PPARGC1A: variants seen among roughly 807,000 people sequenced by gnomAD.
PPARGC1A encodes PPARG coactivator 1 alpha.
In PPARGC1A, 25 loss-of-function variants were observed where a neutral mutation model predicts 88.7. The ratio of observed to expected loss-of-function variants is 0.28; its 90% CI spans 0.21 to 0.39. The LOEUF (loss-of-function observed/expected upper bound fraction) is 0.39, where lower values mean the gene tolerates loss of function less well. Among genes scored for constraint, PPARGC1A ranks in the 10% least tolerant of loss-of-function variants. The pLI is 1.00. For synonymous variants in PPARGC1A, 363 were observed against 355.6 expected (o/e 1.02, Z -0.24); for missense variants, 880 against 968.7 (o/e 0.91, Z 1.22).
the PPARGC1A span, among the ~76,000 whole-genome samples, chr4:24,208,682 A>AAAAAAAT: frequency 7.6e-4 from 102 of 134,970 alleles, no homozygotes; most frequent in Non-Finnish European, 8.8e-4. Context: ...TCAGAAAAAA[A>AAAAAAAT]ATATATATAT....
the PPARGC1A span, among the ~76,000 whole-genome samples, chr4:24,240,812 GCAGAGC>G: frequency 0.14 from 21,489 of 152,118 alleles, 1,944 homozygotes; most frequent in Middle Eastern, 0.28. Flanking sequence ...TAGCTTTTCA[GCAGAGC>G]CAGGGTCTAA....
At chr4:24,114,973 T>C in the PPARGC1A span, among the ~76,000 whole-genome samples, 1 of 152,192 alleles carries the variant, frequency 6.6e-6, no homozygotes, top group South Asian at 2.1e-4. Flanking sequence ...AAATGTCCAG[T>C]AGCCACTATG....
chr4:23,852,888 A>G (rs1156517376), intron 2 of PPARGC1A, among the ~76,000 whole-genome samples: 2 of 152,294 alleles, frequency 1.3e-5, no homozygotes, highest in African/African-American at 4.8e-5. Flanking sequence ...ATGTATTTGT[A>G]CACCAATTAT....
chr4:23,929,054 T>C, the PPARGC1A span, among the ~76,000 whole-genome samples: 3 of 152,058 alleles, frequency 2.0e-5, no homozygotes, highest in African/African-American at 7.2e-5. Flanking sequence ...GATGGGTTGA[T>C]AGGTGCAGCA....
intron 2 of PPARGC1A, among the ~76,000 whole-genome samples, chr4:23,844,703 CATAATATATGATATATATTATT>C (rs1481917133): frequency 1.2e-5 from 1 of 84,476 alleles, no homozygotes; most frequent in Non-Finnish European, 2.0e-5. Context: ...TATGATCTAT[CATAATATATGATATATATTATT>C]ATAATATATG....
the PPARGC1A span, among the ~76,000 whole-genome samples, chr4:24,032,403 G>GTGTT: frequency 1.3e-5 from 2 of 152,148 alleles, no homozygotes; most frequent in Admixed American, 1.3e-4. Context: ...CTCTGTCATG[G>GTGTT]TGTTCATAGA....
chr4:23,895,435 C>G (rs980058372), intron 1 of PPARGC1A, among the ~76,000 whole-genome samples: 1 of 150,536 alleles, frequency 6.6e-6, no homozygotes, highest in Non-Finnish European at 1.5e-5. Context: ...TTGAATTTTG[C>G]TCTAGCTAAA....
the PPARGC1A span, among the ~76,000 whole-genome samples, chr4:24,053,072 C>G: frequency 6.6e-6 from 1 of 151,122 alleles, no homozygotes; most frequent in African/African-American, 2.4e-5. Context: ...AGGGTTTTAC[C>G]GTGTTAGCCA....
At chr4:23,947,374 TA>T in the PPARGC1A span, among the ~76,000 whole-genome samples, 1 of 80,830 alleles carries the variant, frequency 1.2e-5, no homozygotes, top group African/African-American at 4.9e-5. Context: ...TATATATATA[TA>T]TATATATATA....
At chr4:23,857,815 T>C (rs186885811) in intron 2 of PPARGC1A, among the ~76,000 whole-genome samples, 205 of 151,858 alleles carry the variant, frequency 1.3e-3, no homozygotes, top group Non-Finnish European at 2.7e-3. Flanking sequence ...GTGATGAGAC[T>C]CCTCTTGCAG....
At chr4:24,325,106 C>A in the PPARGC1A span, among the ~76,000 whole-genome samples, 2,042 of 152,294 alleles carry the variant, frequency 0.013, 36 homozygotes, top group African/African-American at 0.046. Context: ...TATCCCAAAT[C>A]AGATAGCGTT....
intron 2 of PPARGC1A, among the ~76,000 whole-genome samples, chr4:23,879,459 G>T (rs528635476): frequency 6.6e-6 from 1 of 152,306 alleles, no homozygotes; most frequent in South Asian, 2.1e-4. Flanking sequence ...GCTCCTAAAG[G>T]TGAGCAGAAA....
At chr4:24,365,235 T>C in the PPARGC1A span, among the ~76,000 whole-genome samples, 2 of 151,266 alleles carry the variant, frequency 1.3e-5, no homozygotes, top group Non-Finnish European at 2.9e-5. Context: ...ATCATGAAAA[T>C]AAAGGGGAAA....
chr4:23,842,957 T>C (rs1053939128), intron 2 of PPARGC1A, among the ~76,000 whole-genome samples: 5 of 152,176 alleles, frequency 3.3e-5, no homozygotes, highest in African/African-American at 1.2e-4. Context: ...ATTTATTCAA[T>C]GTGAACTATT....
At chr4:23,872,209 A>G (rs1438690059) in intron 2 of PPARGC1A, among the ~76,000 whole-genome samples, 1 of 152,188 alleles carries the variant, frequency 6.6e-6, no homozygotes, top group African/African-American at 2.4e-5. Flanking sequence ...CATCCATAGA[A>G]GCCCCACCAA....
chr4:24,256,787 G>A, the PPARGC1A span, among the ~76,000 whole-genome samples: 1 of 152,132 alleles, frequency 6.6e-6, no homozygotes, highest in African/African-American at 2.4e-5. Flanking sequence ...GATTCCAGAC[G>A]ATTTCTTCAG....
chr4:24,353,387 TAAAA>T, the PPARGC1A span, among the ~76,000 whole-genome samples: 1 of 141,750 alleles, frequency 7.1e-6, no homozygotes, highest in African/African-American at 2.6e-5. Context: ...TCTGTGGGCT[TAAAA>T]AAAAAAAAAA....
chr4:24,391,403 A>C, the PPARGC1A span, among the ~76,000 whole-genome samples: 1 of 152,200 alleles, frequency 6.6e-6, no homozygotes, highest in Non-Finnish European at 1.5e-5. Context: ...TCTGTAACAT[A>C]GCAAGGTACA....
the PPARGC1A span, among the ~76,000 whole-genome samples, chr4:24,261,519 T>C: frequency 1.3e-5 from 2 of 152,224 alleles, no homozygotes; most frequent in Non-Finnish European, 2.9e-5. Context: ...ACCTGCTTTA[T>C]TTCCATTTTT....
Sources: allele counts gnomAD v4.1 joint callset (sites outside exome capture counted in the v4.1 genomes callset), GRCh38; gene constraint gnomAD v4.1.1; transcripts MANE v1.5; gene names NCBI Gene and HGNC (gene_info 2026-07-23, HGNC 2026-07-21).